KCNK10: variants seen among roughly 807,000 people sequenced by gnomAD.
The protein encoded by KCNK10 is potassium two pore domain channel subfamily K member 10.
In KCNK10, 25 loss-of-function variants were observed where a neutral mutation model predicts 47.7. That is an observed-to-expected ratio of 0.52 (90% CI 0.38 to 0.73). The LOEUF (loss-of-function observed/expected upper bound fraction) is 0.73. Among genes scored for constraint, KCNK10 ranks in the 30% least tolerant of loss-of-function variants. The probability of loss-of-function intolerance (pLI) is 0.00; values close to 1 mark genes in which losing one functional copy is unlikely to be tolerated. For missense variants in KCNK10, 563 were observed against 714.5 expected, an observed-to-expected ratio of 0.79 and a Z score of 2.42; for synonymous variants, 303 against 285.6, an observed-to-expected ratio of 1.06 and a Z score of -0.61.
intron 2 of KCNK10, among the ~76,000 whole-genome samples, chr14:88,258,223 C>T (rs866283527): frequency 6.6e-6 from 1 of 152,078 alleles, no homozygotes; most frequent in Non-Finnish European, 1.5e-5. Flanking sequence ...ATTTAATCCT[C>T]TCAGCACCCT....
chr14:88,279,504 C>A (rs557717607), intron 1 of KCNK10, among the ~76,000 whole-genome samples: 1 of 151,964 alleles, frequency 6.6e-6, no homozygotes, highest in Non-Finnish European at 1.5e-5. Flanking sequence ...AAATACAGGA[C>A]ACCCAGTGAA....
At position 88,184,540 on chromosome 14, in the gene KCNK10, T is replaced by G. The variant is rs190955547; in HGVS notation, c.*995A>C. 6.6e-6 allele frequency: 1 copy of G among 152,392 alleles called. No homozygotes were observed. The highest frequency in any genetic ancestry group is 1.9e-4 in the East Asian group (1 of 5,320). The allele number at this position is 152,392 out of a possible 1,614,324, so 9.4% of individuals were successfully genotyped here. On this transcript the variant is annotated 3_prime_UTR_variant, in exon 7 of 7. Transcript: ENST00000319231. ...GCCCTGAGATGGAAAGATGCCATGG[T>G]CCTCCTCAGTGTGTCTCAGAAATGC...
At chr14:88,272,946 G>A (rs577772949) in intron 1 of KCNK10, among the ~76,000 whole-genome samples, 1 of 152,186 alleles carries the variant, frequency 6.6e-6, no homozygotes, top group African/African-American at 2.4e-5. Context: ...ACAGTATCAT[G>A]CTCTGCAAGA....
intron 1 of KCNK10, among the ~76,000 whole-genome samples, chr14:88,273,027 G>A (rs1348719247): frequency 6.6e-6 from 1 of 152,150 alleles, no homozygotes; most frequent in Non-Finnish European, 1.5e-5. Flanking sequence ...GTTAACATGA[G>A]GCATAAGGGA....
At chr14:88,310,906 G>A (rs945642553) in intron 1 of KCNK10, among the ~76,000 whole-genome samples, 1 of 152,078 alleles carries the variant, frequency 6.6e-6, no homozygotes, top group Non-Finnish European at 1.5e-5. Context: ...GAATATGAGC[G>A]AGCGCACCAC....
intron 1 of KCNK10, chr14:88,270,649 G>T (rs962477866): frequency 2.5e-5 from 19 of 774,412 alleles, no homozygotes; most frequent in South Asian, 4.1e-5. Context: ...AAGGCAGACT[G>T]GGGGGAAGAG....
At chr14:88,218,255 T>C (rs1246427971) in intron 4 of KCNK10, among the ~76,000 whole-genome samples, 1 of 152,210 alleles carries the variant, frequency 6.6e-6, no homozygotes, top group East Asian at 1.9e-4. Context: ...AATTGTGTTC[T>C]TAAAAGCCTC....
intron 4 of KCNK10, among the ~76,000 whole-genome samples, chr14:88,215,734 G>T (rs190024056): frequency 4.0e-5 from 6 of 151,890 alleles, no homozygotes; most frequent in Admixed American, 1.3e-4. Context: ...AAAGCTTGCC[G>T]GGGGGAAAAG....
In KCNK10 at chr14:88,310,863, C is replaced by T. The variant is rs146049622; in HGVS notation, c.52+11884G>A. On this transcript the variant is annotated intron_variant, in intron 1 of 6. Coordinates refer to ENST00000319231, the MANE Select transcript of KCNK10 (RefSeq NM_138317.3). Reference sequence around the variant, plus strand: ...AGGAGCATTATGCTGAACTGAGAGCCACATGCTTCCAAAAGGCGTCTGAAG... The same window carrying T: ...AGGAGCATTATGCTGAACTGAGAGCTACATGCTTCCAAAAGGCGTCTGAAG... Among the ~76,000 whole-genome samples the T allele has an allele frequency of 3.7e-3, 560 of 152,272 alleles. 2 individuals carry two copies. Among genetic ancestry groups the T allele is most frequent in the Non-Finnish European group, 6.4e-3 (432 of 68,014 alleles).
At chr14:88,313,091 G>A (rs1888359246) in intron 1 of KCNK10, among the ~76,000 whole-genome samples, 2 of 152,184 alleles carry the variant, frequency 1.3e-5, no homozygotes, top group South Asian at 4.1e-4. Context: ...TCGGGTTCAA[G>A]TCGTAGCATG....
chr14:88,256,620 T>G lies in KCNK10; in HGVS notation c.402+6582A>C, dbSNP rs562517703. Among the ~76,000 whole-genome samples, 5 of 152,250 alleles carry G rather than the reference T, an allele frequency of 3.3e-5. No homozygotes were observed. The East Asian group carries it at 9.7e-4, about 29-fold the overall frequency. ...TGGTGTGAGCAGCCCAGCCTAGCAC[T>G]CTGGGAGCGACTTCTGTGATGGGCA... On this transcript the variant is annotated intron_variant, in intron 2 of 6. Transcript: ENST00000319231.
chr14:88,252,179 T>A (rs1566702883), intron 2 of KCNK10, among the ~76,000 whole-genome samples: 1 of 151,996 alleles, frequency 6.6e-6, no homozygotes, highest in Non-Finnish European at 1.5e-5. Flanking sequence ...CCTCCCAAAG[T>A]GCTGAGATTA....
Position 88,185,737 on chromosome 14 carries a change from A to G in KCNK10, c.1430T>C (p.Ile477Thr). ...KKTLPEDVQK[I>T]YKTFRNYSLD... Reference sequence around the variant, plus strand: ...GGAGTAATTCCGGAAGGTCTTGTAGATTTTCTGAACGTCCTCGGGCAAGGT... The same window carrying G: ...GGAGTAATTCCGGAAGGTCTTGTAGGTTTTCTGAACGTCCTCGGGCAAGGT... The change falls in exon 7 of 7, where the codon ATC becomes ACC. Residue 477 changes from isoleucine (I) to threonine (T), a missense_variant. Transcript: ENST00000319231. The surrounding 1 kb of genome is among the most constrained non-coding windows in gnomAD (Gnocchi z 4.3). 6.2e-7 allele frequency: 1 copy of G among 1,613,576 alleles called. No individual in the cohort carries two copies. Among genetic ancestry groups the G allele is most frequent in the Non-Finnish European group, 8.5e-7 (1 of 1,179,900 alleles).
At chr14:88,207,468 C>G (rs1885319567) in intron 4 of KCNK10, among the ~76,000 whole-genome samples, 1 of 152,160 alleles carries the variant, frequency 6.6e-6, no homozygotes, top group Non-Finnish European at 1.5e-5. Flanking sequence ...GCCACAGCGC[C>G]AGCCCAAGGT....
intron 1 of KCNK10, among the ~76,000 whole-genome samples, chr14:88,282,301 T>C (rs1397339086): frequency 6.6e-6 from 1 of 152,224 alleles, no homozygotes; most frequent in Non-Finnish European, 1.5e-5. Flanking sequence ...CATCCAGCTC[T>C]AAAATCCACG....
intron 1 of KCNK10, among the ~76,000 whole-genome samples, chr14:88,308,635 C>T (rs146547906): frequency 3.1e-4 from 47 of 152,378 alleles, no homozygotes; most frequent in Non-Finnish European, 5.7e-4. Context: ...AAGTACCTCA[C>T]ATTTCAGCAT....
chr14:88,318,325 T>TTTCC (rs2139806592), intron 1 of KCNK10, among the ~76,000 whole-genome samples: 1 of 152,336 alleles, frequency 6.6e-6, no homozygotes, highest in South Asian at 2.1e-4. Context: ...TCCAGGGCAC[T>TTTCC]GGGGTTATGG....
intron 2 of KCNK10, among the ~76,000 whole-genome samples, chr14:88,244,667 CA>C (rs1332345122): frequency 3.0e-4 from 41 of 137,724 alleles, no homozygotes; most frequent in Non-Finnish European, 3.0e-4. Context: ...GACTCTGTCT[CA>C]AAAAAAAAAA....
Position 88,180,969 on chromosome 14 carries a change from A to G in KCNK10, c.*4566T>C, listed in dbSNP as rs1230218843. ...CATTACTAGCCAGCTCTTACTGTTC[A>G]CTCAGCCACTGTCTTTGCACACAAT... On this transcript the variant is annotated 3_prime_UTR_variant, in exon 7 of 7. Coordinates refer to ENST00000319231, the MANE Select transcript of KCNK10 (RefSeq NM_138317.3). 1 of 397,114 alleles carries G rather than the reference A, an allele frequency of 2.5e-6. No individual in the cohort carries two copies. Among genetic ancestry groups the G allele is most frequent in the East Asian group, 3.6e-5 (1 of 28,162 alleles). The allele number at this position is 397,114 out of a possible 1,614,324, so 24.6% of individuals were successfully genotyped here.
Sources: allele counts gnomAD v4.1 joint callset (sites outside exome capture counted in the v4.1 genomes callset), GRCh38; gene constraint gnomAD v4.1.1; non-coding constraint Gnocchi (gnomAD v3.1); transcripts MANE v1.5; gene names NCBI Gene and HGNC (gene_info 2026-07-23, HGNC 2026-07-21).